ZNF676: variants seen among roughly 807,000 people sequenced by gnomAD.
ZNF676 encodes the protein zinc finger protein 676.
A neutral mutation model predicts 6.0 loss-of-function variants in ZNF676; 4 were observed. The observed-to-expected ratio is 0.67, with a 90% CI of 0.33 to 1.53. The LOEUF is 1.53. Ranked by LOEUF, ZNF676 falls within the 40% of genes most tolerant of loss-of-function variation. ZNF676 has a pLI of 0.06. For synonymous variants in ZNF676, 198 were observed against 223.1 expected (o/e 0.89, Z 1.00); for missense variants, 644 against 679.7 (o/e 0.95, Z 0.58).
At chr19:22,221,720 C>T in the ZNF676 span, among the ~76,000 whole-genome samples, 5 of 150,356 alleles carry the variant, frequency 3.3e-5, no homozygotes, top group African/African-American at 1.2e-4. Flanking sequence ...CATTGCACTC[C>T]AGCCTTGGTG....
At chr19:22,204,581 G>C (rs1599717498) in intron 1 of ZNF676, among the ~76,000 whole-genome samples, 1 of 152,154 alleles carries the variant, frequency 6.6e-6, no homozygotes, top group African/African-American at 2.4e-5. Context: ...CTTTCGCAGT[G>C]TAAGTATTTC....
At chr19:22,244,669 C>T in the ZNF676 span, 11 of 152,234 alleles carry the variant, frequency 7.2e-5, no homozygotes, top group Non-Finnish European at 1.5e-4. Context: ...CCAGAAAAGA[C>T]ACATCACCTG....
At chr19:22,183,384 C>G (rs1333322943) in intron 2 of ZNF676, among the ~76,000 whole-genome samples, 4 of 152,150 alleles carry the variant, frequency 2.6e-5, no homozygotes, top group Non-Finnish European at 5.9e-5. Flanking sequence ...GTTGCCCAGG[C>G]TGGAGTGCAA....
the ZNF676 span, among the ~76,000 whole-genome samples, chr19:22,222,593 C>A: frequency 3.3e-5 from 5 of 152,040 alleles, no homozygotes; most frequent in African/African-American, 1.2e-4. Context: ...TTTTGCATTG[C>A]ATTGGTTTTT....
At chr19:22,245,997 T>C in the ZNF676 span, among the ~76,000 whole-genome samples, 1 of 152,110 alleles carries the variant, frequency 6.6e-6, no homozygotes, top group African/African-American at 2.4e-5. Context: ...GAGGCTCTCG[T>C]GCCCTAGGTG....
chr19:22,255,043 A>G, the ZNF676 span, among the ~76,000 whole-genome samples: 1 of 152,190 alleles, frequency 6.6e-6, no homozygotes, highest in African/African-American at 2.4e-5. Flanking sequence ...TACCTACTGT[A>G]TGTTGTGTCT....
intron 1 of ZNF676, among the ~76,000 whole-genome samples, chr19:22,207,305 T>C (rs1454595887): frequency 6.6e-6 from 1 of 152,122 alleles, no homozygotes; most frequent in African/African-American, 2.4e-5. Flanking sequence ...CAAGAACACC[T>C]AGGCCAAATC....
chr19:22,185,552 A>G (rs2023826306), intron 2 of ZNF676, among the ~76,000 whole-genome samples: 1 of 152,044 alleles, frequency 6.6e-6, no homozygotes, highest in South Asian at 2.1e-4. Flanking sequence ...TCAAATTTGC[A>G]AATTTCAGAG....
chr19:22,251,632 A>G, the ZNF676 span, among the ~76,000 whole-genome samples: 1 of 152,052 alleles, frequency 6.6e-6, no homozygotes, highest in Non-Finnish European at 1.5e-5. Flanking sequence ...TGCTAAAAAT[A>G]CAAAAATTAG....
At chr19:22,220,275 T>A (rs1038005005), upstream of ZNF676, among the ~76,000 whole-genome samples, 2 of 152,004 alleles carry the variant, frequency 1.3e-5, no homozygotes, top group Non-Finnish European at 2.9e-5. Context: ...TGGTGTGTAG[T>A]TTTCTTTTAT....
chr19:22,230,623 TTA>T, the ZNF676 span, among the ~76,000 whole-genome samples: 2 of 150,826 alleles, frequency 1.3e-5, no homozygotes, highest in African/African-American at 4.9e-5. Flanking sequence ...TGTATGTATA[TTA>T]TATATATGTA....
chr19:22,228,576 C>A, the ZNF676 span, among the ~76,000 whole-genome samples: 1 of 152,136 alleles, frequency 6.6e-6, no homozygotes, highest in African/African-American at 2.4e-5. Flanking sequence ...TCTCTGTTTG[C>A]AGATGACATG....
Position 22,180,362 on chromosome 19 carries a change from T to G in ZNF676, c.1355A>C (p.Glu452Ala). ...CCAGGTGAAGGCTTTGCCACATTCTTCACATTTGTAGGGTTTCTCTCCAGC... is the reference window on the plus strand; with the variant it reads ...CCAGGTGAAGGCTTTGCCACATTCTGCACATTTGTAGGGTTTCTCTCCAGC... ...IHAGEKPYKC[E>A]ECGKAFTWSS... Residue 452 changes from glutamate (E) to alanine (A), a missense_variant, in exon 3 of 3, where the codon GAA becomes GCA. Physicochemically the swap from Glu to Ala is moderately radical, Grantham distance 107 (BLOSUM62 -1). Around this residue, in one of 5 missense-constraint regions of ZNF676, gnomAD observed 306 missense variants for 265.4 expected, o/e 1.15. Coordinates refer to ENST00000397121, the MANE Select transcript of ZNF676 (RefSeq NM_001001411.3). 6.2e-7 allele frequency: 1 copy of G among 1,614,026 alleles called. No homozygotes were observed. Among genetic ancestry groups the G allele is most frequent in the Non-Finnish European group, 8.5e-7 (1 of 1,179,938 alleles).
chr19:22,206,056 A>AACAC lies in ZNF676; in HGVS notation c.4-9334_4-9331dup, dbSNP rs71180523. 7.8e-3 allele frequency among the ~76,000 whole-genome samples: 1,142 copies of AACAC among 146,642 alleles called. 5 individuals are homozygous for AACAC. Among genetic ancestry groups the AACAC allele is most frequent in the African/African-American group, 0.011 (455 of 40,074 alleles). ...GAACAAATACATCCTCCCAAAACTC[A>AACAC]ACACACACACACACACACACACACA... On this transcript the variant is annotated intron_variant, in intron 1 of 3. Coordinates refer to the ZNF676 transcript ENST00000650058.
intron 1 of ZNF676, among the ~76,000 whole-genome samples, chr19:22,205,999 C>T (rs1218673266): frequency 6.6e-6 from 1 of 150,478 alleles, no homozygotes; most frequent in African/African-American, 2.4e-5. Context: ...CTGCTATGCA[C>T]ATAAAAAAAA....
the ZNF676 span, among the ~76,000 whole-genome samples, chr19:22,236,999 G>A: frequency 6.6e-6 from 1 of 152,184 alleles, no homozygotes; most frequent in East Asian, 1.9e-4. Context: ...CCCACTGTTA[G>A]ATCTGACATG....
intron 1 of ZNF676, among the ~76,000 whole-genome samples, chr19:22,207,645 C>A (rs1236719725): frequency 1.3e-5 from 2 of 152,104 alleles, no homozygotes; most frequent in Non-Finnish European, 2.9e-5. Context: ...CCAAGGCAAT[C>A]ATAAGCAAAA....
chr19:22,181,598 T>TA lies in ZNF676; in HGVS notation c.131-13dup. 6.6e-7 allele frequency: 1 copy of TA among 1,511,116 alleles called. No individual in the cohort carries two copies. The highest frequency in any genetic ancestry group is 1.4e-5 in the South Asian group (1 of 73,986). The allele number at this position is 1,511,116 out of a possible 1,614,324, so 93.6% of individuals were successfully genotyped here. On this transcript the variant is annotated splice_polypyrimidine_tract_variant and intron_variant, in intron 2 of 2. Transcript: ENST00000397121. The stretch of plus-strand genomic sequence containing the variant: ...ATGAGAACATATAACTGAAAAGAAA[T>TA]AAAAATAACAAATTAATCTACATAT...
intron 1 of ZNF676, among the ~76,000 whole-genome samples, chr19:22,210,276 C>G (rs2024115897): frequency 6.6e-6 from 1 of 152,150 alleles, no homozygotes; most frequent in Middle Eastern, 3.2e-3. Context: ...TGAATTCTGA[C>G]ACCACCCAGA....
Sources: gnomAD v4.1 joint callset for allele counts (sites outside exome capture counted in the v4.1 genomes callset) on GRCh38, gnomAD v4.1.1 for gene constraint, gnomAD v4.1.1 regional missense constraint, MANE v1.5 for transcripts, NCBI Gene and HGNC (gene_info 2026-07-23, HGNC 2026-07-21) for gene names.